The following PPM1E variants were observed in gnomAD, a reference collection of about 807,000 sequenced individuals.
PPM1E encodes protein phosphatase, Mg2+/Mn2+ dependent 1E.
A neutral mutation model predicts 65.9 loss-of-function variants in PPM1E; 20 were observed. The observed-to-expected ratio is 0.30, with a 90% CI of 0.21 to 0.44. The LOEUF is 0.44. Among genes scored for constraint, PPM1E ranks in the 20% least tolerant of loss-of-function variants. The pLI is 1.00. For synonymous variants in PPM1E, 352 were observed against 374.9 expected (o/e 0.94, Z 0.70); for missense variants, 713 against 953.1 (o/e 0.75, Z 3.32).
At chr17:58,936,541 G>A (rs1402944815) in intron 1 of PPM1E, among the ~76,000 whole-genome samples, 3 of 152,102 alleles carry the variant, frequency 2.0e-5, no homozygotes, top group Admixed American at 6.6e-5. Context: ...CTGTGCAGAC[G>A]CCCACATTGC....
At chr17:58,934,404 G>T (rs2051948347) in intron 1 of PPM1E, among the ~76,000 whole-genome samples, 2 of 152,092 alleles carry the variant, frequency 1.3e-5, no homozygotes, top group South Asian at 2.1e-4. Flanking sequence ...ATGTTACATG[G>T]TACACTGTTT....
intron 1 of PPM1E, among the ~76,000 whole-genome samples, chr17:58,773,204 T>G (rs1169886943): frequency 6.6e-6 from 1 of 152,124 alleles, no homozygotes; most frequent in Non-Finnish European, 1.5e-5. Flanking sequence ...AAACAGATCC[T>G]TTCAAGGACA....
intron 1 of PPM1E, among the ~76,000 whole-genome samples, chr17:58,943,235 C>A (rs1486970337): frequency 3.9e-5 from 6 of 152,000 alleles, no homozygotes; most frequent in Non-Finnish European, 8.8e-5. Context: ...CTCTTCTTCG[C>A]TTTATAGTAC....
chr17:58,980,673 A>G lies in PPM1E; in HGVS notation c.1910A>G (p.Glu637Gly). ...GCTTTCAATTTGGGTTCAACAGGGGAGCAGATATACAGAATGCAGAGCTTG... is the reference window on the plus strand; with the variant it reads ...GCTTTCAATTTGGGTTCAACAGGGGGGCAGATATACAGAATGCAGAGCTTG... ...PTAFNLGSTG[E>G]QIYRMQSLSP... Residue 637 changes from glutamate (E) to glycine (G), a missense_variant, in exon 7 of 7, where the codon GAG (glutamate) becomes GGG (glycine). Physicochemically the swap from Glu to Gly is moderately conservative, Grantham distance 98. Transcript: ENST00000308249. This position sits in a 1 kb window ranked among gnomAD's most constrained non-coding sequence, Gnocchi z 4.7. 2 of 1,614,142 alleles carry G rather than the reference A, an allele frequency of 1.2e-6. No homozygotes were observed. The highest frequency in any genetic ancestry group is 8.5e-7 in the Non-Finnish European group (1 of 1,180,030).
In PPM1E at chr17:58,982,345, C is replaced by T. The variant is rs1420041223; in HGVS notation, c.*1314C>T. The T allele has an allele frequency of 1.3e-5, 2 of 152,258 alleles. No homozygotes were observed. Among genetic ancestry groups the T allele is most frequent in the Non-Finnish European group, 2.9e-5 (2 of 68,078 alleles). 9.4% of individuals were successfully genotyped at this position (152,258 alleles called of 1,614,324 possible). ...CAACAAACTATCAGATTCATTCATTCAGTGAAGCAGCCTCTGATTCTCTAA... is the reference window on the plus strand; with the variant it reads ...CAACAAACTATCAGATTCATTCATTTAGTGAAGCAGCCTCTGATTCTCTAA... On this transcript the variant is annotated 3_prime_UTR_variant, in exon 7 of 7. Transcript: ENST00000308249.
At chr17:58,894,022 A>G (rs1468370605) in intron 1 of PPM1E, among the ~76,000 whole-genome samples, 1 of 152,164 alleles carries the variant, frequency 6.6e-6, no homozygotes, top group Admixed American at 6.5e-5. Context: ...GCAGTGAACC[A>G]TGATCACACC....
intron 1 of PPM1E, among the ~76,000 whole-genome samples, chr17:58,792,697 A>G (rs2050167295): frequency 6.8e-6 from 1 of 147,312 alleles, no homozygotes; most frequent in South Asian, 2.1e-4. Flanking sequence ...TAACATGGCT[A>G]TAAATACTTG....
chr17:58,939,038 T>C (rs574456397), intron 1 of PPM1E, among the ~76,000 whole-genome samples: 1 of 152,190 alleles, frequency 6.6e-6, no homozygotes, highest in South Asian at 2.1e-4. Context: ...TCCACCCACC[T>C]CAGCCTCCCA....
At chr17:58,793,365 T>A (rs2029792) in intron 1 of PPM1E, among the ~76,000 whole-genome samples, 94,170 of 151,004 alleles carry the variant, frequency 0.62, 29,699 homozygotes, top group African/African-American at 0.7. Flanking sequence ...TATTATTATT[T>A]TTTTTTTTGA....
chr17:58,971,496 T>C (rs1239604351), intron 4 of PPM1E, among the ~76,000 whole-genome samples: 1 of 152,170 alleles, frequency 6.6e-6, no homozygotes, highest in Non-Finnish European at 1.5e-5. Flanking sequence ...AATTCCAGGC[T>C]GTTAGTTCTT....
chr17:58,928,674 A>G (rs535957696), intron 1 of PPM1E, among the ~76,000 whole-genome samples: 1 of 151,756 alleles, frequency 6.6e-6, no homozygotes, highest in East Asian at 1.9e-4. Context: ...AAATGAAAAC[A>G]TATATCTACG....
chr17:58,863,575 C>A (rs1243905815), intron 1 of PPM1E, among the ~76,000 whole-genome samples: 1 of 152,196 alleles, frequency 6.6e-6, no homozygotes, highest in Non-Finnish European at 1.5e-5. Context: ...CCAGTGAGGG[C>A]AAAGGGCCAG....
Position 58,980,552 on chromosome 17 carries a change from C to T in PPM1E, c.1789C>T (p.Pro597Ser). The T allele has an allele frequency of 6.2e-7, 1 of 1,614,050 alleles. No homozygotes were observed. The highest frequency in any genetic ancestry group is 1.3e-5 in the African/African-American group (1 of 74,988). The change falls in exon 7 of 7, where the codon CCA (proline) becomes TCA (serine). Residue 597 changes from proline to serine, a missense_variant. This residue lies in a region of PPM1E where 286 missense variants were observed against 313.8 expected (regional missense o/e 0.91). Transcript: ENST00000308249. This position sits in a 1 kb window ranked among gnomAD's most constrained non-coding sequence, Gnocchi z 4.7. Reference sequence around the variant, plus strand: ...AGTTGAGATGTTTGGTCCTGGTGCACCAAAGAAAGCAAATCTTATTAATGA... The same window carrying T: ...AGTTGAGATGTTTGGTCCTGGTGCATCAAAGAAAGCAAATCTTATTAATGA... ...LPVEMFGPGA[P>S]KKANLINELM...
At chr17:58,809,353 T>C (rs1598584374) in intron 1 of PPM1E, among the ~76,000 whole-genome samples, 1 of 152,194 alleles carries the variant, frequency 6.6e-6, no homozygotes, top group East Asian at 1.9e-4. Flanking sequence ...CCTCCCAAAG[T>C]GTTGGGATTA....
At position 58,789,202 on chromosome 17, in the gene PPM1E, G is replaced by A. The variant is rs1034054652; in HGVS notation, c.464+32741G>A. Among the ~76,000 whole-genome samples, 8 of 152,234 alleles carry A rather than the reference G, an allele frequency of 5.3e-5. No individual in the cohort carries two copies. In the East Asian group the frequency reaches 1.2e-3, roughly 22 times the overall value. On this transcript the variant is annotated intron_variant, in intron 1 of 6. Transcript: ENST00000308249. ...TACACTGTTACCAGAGCTCAAGCCC[G>A]TAATTCTAAGAACATAAGAAACATT...
intron 1 of PPM1E, among the ~76,000 whole-genome samples, chr17:58,805,961 C>CAAAAAAAAAAAAAA (rs71367632): frequency 7.2e-5 from 5 of 69,804 alleles, no homozygotes; most frequent in East Asian, 3.8e-4. Flanking sequence ...AAAAAAAAAA[C>CAAAAAAAAAAAAAA]AAAAAAAAAA....
In PPM1E at chr17:58,963,601, C is replaced by T. The variant is rs551528867; in HGVS notation, c.584-2093C>T. Among the ~76,000 whole-genome samples the T allele has an allele frequency of 3.4e-4, 52 of 151,886 alleles. No individual in the cohort carries two copies. In the East Asian group the frequency reaches 6.4e-3, roughly 19 times the overall value. On this transcript the variant is annotated intron_variant, in intron 2 of 6. Coordinates refer to ENST00000308249, the MANE Select transcript of PPM1E (RefSeq NM_014906.5). ...GCAGGCGCCTGTAGTCCCAGCTACT[C>T]GGGAGGCTGAGGCAGGAGAATGGTG... is the stretch of plus-strand genomic sequence containing the variant.
intron 1 of PPM1E, among the ~76,000 whole-genome samples, chr17:58,843,121 TA>T (rs1260421888): frequency 6.6e-6 from 1 of 151,656 alleles, no homozygotes; most frequent in Non-Finnish European, 1.5e-5. Flanking sequence ...TTGTCTCTAC[TA>T]AAAATACAAA....
intron 1 of PPM1E, among the ~76,000 whole-genome samples, chr17:58,919,410 C>T (rs1350933301): frequency 2.0e-5 from 3 of 152,134 alleles, no homozygotes; most frequent in Admixed American, 2.0e-4. Flanking sequence ...TTTTTGGCAC[C>T]GTGGTTTTAA....
Sources: gnomAD v4.1 joint callset for allele counts (sites outside exome capture counted in the v4.1 genomes callset) on GRCh38, gnomAD v4.1.1 for gene constraint, gnomAD v4.1.1 regional missense constraint, Gnocchi (gnomAD v3.1) non-coding constraint, MANE v1.5 for transcripts, NCBI Gene and HGNC (gene_info 2026-07-23, HGNC 2026-07-21) for gene names.